GRM7: variants seen among roughly 807,000 people sequenced by gnomAD.
GRM7 encodes the protein glutamate metabotropic receptor 7.
GRM7 carries 35 observed loss-of-function variants against 84.5 expected under a neutral mutation model. The ratio of observed to expected loss-of-function variants is 0.41; its 90% CI spans 0.32 to 0.55. GRM7 has a LOEUF of 0.55. Among genes scored for constraint, GRM7 ranks in the 20% least tolerant of loss-of-function variants. The pLI is 0.19. For missense variants in GRM7, 1,003 were observed against 1,194.6 expected, an observed-to-expected ratio of 0.84 and a Z score of 2.36; for synonymous variants, 487 against 455.1, an observed-to-expected ratio of 1.07 and a Z score of -0.89.
rs867783669 is a variant in GRM7 at position 6,908,223 on chromosome 3, T to C, written c.519+46316T>C. Among the ~76,000 whole-genome samples, 8 of 152,318 alleles carry C rather than the reference T, an allele frequency of 5.3e-5. No homozygotes were observed. In the South Asian group the frequency reaches 6.2e-4, roughly 12 times the overall value. On this transcript the variant is annotated intron_variant, in intron 1 of 9. Transcript: ENST00000357716. ...ACCAAGGTGGCAGCTCTCTTTCTAA[T>C]GTAGGAATGCCGGTTGAGCCTTTAT...
intron 5 of GRM7, among the ~76,000 whole-genome samples, chr3:7,430,957 T>C (rs1402930682): frequency 6.6e-6 from 1 of 152,178 alleles, no homozygotes; most frequent in African/African-American, 2.4e-5. Flanking sequence ...ACAGACCCAT[T>C]ATGCCTTCTG....
chr3:7,414,623 T>C (rs983622616), intron 4 of GRM7, among the ~76,000 whole-genome samples: 1 of 152,182 alleles, frequency 6.6e-6, no homozygotes, highest in African/African-American at 2.4e-5. Flanking sequence ...CTTTTCCTTC[T>C]AATTTGACTA....
chr3:7,393,486 G>T (rs1436348652), intron 4 of GRM7, among the ~76,000 whole-genome samples: 1 of 152,164 alleles, frequency 6.6e-6, no homozygotes, highest in Non-Finnish European at 1.5e-5. Flanking sequence ...TCTCAAATCG[G>T]TTTCTGGCTG....
intron 4 of GRM7, among the ~76,000 whole-genome samples, chr3:7,354,974 T>C (rs6788012): frequency 0.11 from 16,482 of 152,162 alleles, 955 homozygotes; most frequent in African/African-American, 0.15. Context: ...TGCTTTTCCC[T>C]TCCGCAAGAT....
chr3:7,304,973 C>A (rs1454457397), intron 3 of GRM7, among the ~76,000 whole-genome samples: 1 of 152,134 alleles, frequency 6.6e-6, no homozygotes, highest in Non-Finnish European at 1.5e-5. Flanking sequence ...CAGTGCATGA[C>A]AACTGATGGG....
chr3:7,651,887 G>A (rs1023937708), intron 8 of GRM7, among the ~76,000 whole-genome samples: 1 of 152,174 alleles, frequency 6.6e-6, no homozygotes, highest in Non-Finnish European at 1.5e-5. Context: ...CCCCAGCCAA[G>A]CCTAGCTGCA....
At chr3:7,142,741 A>G (rs1469100677) in intron 1 of GRM7, among the ~76,000 whole-genome samples, 1 of 152,192 alleles carries the variant, frequency 6.6e-6, no homozygotes, top group Non-Finnish European at 1.5e-5. Flanking sequence ...AGGTATTAAA[A>G]TTAACCTGTT....
chr3:7,614,233 G>T (rs760317900), intron 8 of GRM7, among the ~76,000 whole-genome samples: 4 of 152,120 alleles, frequency 2.6e-5, no homozygotes, highest in Non-Finnish European at 5.9e-5. Context: ...CCACTGCACT[G>T]CAGCTTTGGT....
At chr3:7,470,741 A>T (rs1202518019) in intron 7 of GRM7, among the ~76,000 whole-genome samples, 1 of 152,184 alleles carries the variant, frequency 6.6e-6, no homozygotes, top group Non-Finnish European at 1.5e-5. Flanking sequence ...ATACAACAAG[A>T]TAAATGAGTT....
intron 1 of GRM7, among the ~76,000 whole-genome samples, chr3:7,106,706 C>A (rs1320553175): frequency 6.6e-6 from 1 of 151,988 alleles, no homozygotes; most frequent in African/African-American, 2.4e-5. Flanking sequence ...GACCTAGTTC[C>A]ACCTGCATTT....
At chr3:7,214,130 G>T (rs546838806) in intron 2 of GRM7, among the ~76,000 whole-genome samples, 9 of 137,926 alleles carry the variant, frequency 6.5e-5, no homozygotes, top group Admixed American at 5.7e-4. Flanking sequence ...AAAAAAAAAA[G>T]ACAACACAGT....
chr3:7,146,549 C>T lies in GRM7; in HGVS notation c.617C>T (p.Ala206Val). The T allele has an allele frequency of 6.2e-7, 1 of 1,613,910 alleles. No individual in the cohort carries two copies. Among genetic ancestry groups the T allele is most frequent in the Non-Finnish European group, 8.5e-7 (1 of 1,179,888 alleles). The change falls in exon 2 of 10, where the codon GCC (alanine) becomes GTC (valine). Residue 206 changes from alanine (A) to valine (V), a missense_variant. Physicochemically the swap from Ala to Val is moderately conservative, Grantham distance 64. Around this residue, in one of 2 missense-constraint regions of GRM7, gnomAD observed 910 missense variants for 1,126.0 expected, o/e 0.81. Transcript: ENST00000357716. ...GTGGTGCCACCCGATTCCTTCCAAG[C>T]CCAGGCCATGGTAGACATTGTAAAG... ...SRVVPPDSFQ[A>V]QAMVDIVKAL...
chr3:7,530,725 G>A, intron 7 of GRM7, among the ~76,000 whole-genome samples: 1 of 151,344 alleles, frequency 6.6e-6, no homozygotes, highest in Non-Finnish European at 1.5e-5. Context: ...TATGTTTCTT[G>A]GCCACATAAA....
At chr3:7,237,909 G>A (rs371252349) in intron 2 of GRM7, among the ~76,000 whole-genome samples, 6 of 152,070 alleles carry the variant, frequency 3.9e-5, no homozygotes, top group South Asian at 2.1e-4. Flanking sequence ...TGATTGGTGC[G>A]TTTTTACAGA....
intron 1 of GRM7, among the ~76,000 whole-genome samples, chr3:6,920,113 G>T (rs1034325763): frequency 6.6e-6 from 1 of 152,138 alleles, no homozygotes; most frequent in African/African-American, 2.4e-5. Flanking sequence ...TGTAAAGTAT[G>T]ATTTAAATGT....
In GRM7 at chr3:6,978,960, G is replaced by T. The variant is rs547675132; in HGVS notation, c.519+117053G>T. Reference sequence around the variant, plus strand: ...TTGTTTTTCATTCTATCCAAGTTATGATAGAAAGAAGTGGCTGGGAGAGTG... The same window carrying T: ...TTGTTTTTCATTCTATCCAAGTTATTATAGAAAGAAGTGGCTGGGAGAGTG... On this transcript the variant is annotated intron_variant, in intron 1 of 9. Transcript: ENST00000357716. Among the ~76,000 whole-genome samples, 17 of 152,258 alleles carry T rather than the reference G, an allele frequency of 1.1e-4. No individual in the cohort carries two copies. In the South Asian group the frequency reaches 3.1e-3, roughly 28 times the overall value.
intron 1 of GRM7, among the ~76,000 whole-genome samples, chr3:7,029,898 T>C (rs1324643063): frequency 6.6e-6 from 1 of 152,244 alleles, no homozygotes; most frequent in Non-Finnish European, 1.5e-5. Flanking sequence ...TAAAAAGTTA[T>C]ACATTTATGT....
chr3:7,026,304 C>T (rs901038307), intron 1 of GRM7, among the ~76,000 whole-genome samples: 1 of 152,180 alleles, frequency 6.6e-6, no homozygotes, highest in African/African-American at 2.4e-5. Flanking sequence ...AAGGATTCTG[C>T]TTAACAGATC....
At chr3:7,680,445 G>C (rs1700321144) in intron 9 of GRM7, 150 bp downstream of exon 9, 1 of 706,496 alleles carries the variant, frequency 1.4e-6, no homozygotes, top group East Asian at 2.6e-5. Flanking sequence ...CTGCTCTTTT[G>C]AGTTTGACTC....
Sources: gnomAD v4.1 joint callset for allele counts (sites outside exome capture counted in the v4.1 genomes callset) on GRCh38, gnomAD v4.1.1 for gene constraint, gnomAD v4.1.1 regional missense constraint, MANE v1.5 for transcripts, NCBI Gene and HGNC (gene_info 2026-07-23, HGNC 2026-07-21) for gene names.